The following MYT1L variants were observed in gnomAD, a reference collection of about 807,000 sequenced individuals.
MYT1L encodes the protein myelin transcription factor 1-like protein.
Under a neutral mutation model 126.7 loss-of-function variants are expected in MYT1L, and 12 were observed. That is an observed-to-expected ratio of 0.09 (90% CI 0.06 to 0.15). The LOEUF (loss-of-function observed/expected upper bound fraction) is 0.15. MYT1L is among the 10% of genes least tolerant of loss of function. MYT1L has a pLI of 1.00. For missense variants in MYT1L, 979 were observed against 1,585.2 expected (o/e 0.62, Z 6.49); for synonymous variants, 541 against 604.2 (o/e 0.90, Z 1.53).
chr2:1,947,360 A>G (rs77196025), intron 8 of MYT1L, among the ~76,000 whole-genome samples: 2,687 of 152,292 alleles, frequency 0.018, 65 homozygotes, highest in South Asian at 0.1. Context: ...TGGATGCTGC[A>G]GTTAGAAGTG....
At chr2:2,186,456 C>A (rs1364779385) in intron 2 of MYT1L, among the ~76,000 whole-genome samples, 1 of 152,232 alleles carries the variant, frequency 6.6e-6, no homozygotes, top group Non-Finnish European at 1.5e-5. Flanking sequence ...GAAATATGGA[C>A]CTCGATGAAC....
rs569008996 is a variant in MYT1L, at chr2:1,894,137, C to T, written c.2033-1850G>A. Among the ~76,000 whole-genome samples the T allele has an allele frequency of 4.5e-4, 68 of 152,372 alleles. 1 individual carries two copies. In the South Asian group the frequency reaches 6.4e-3, roughly 14 times the overall value. On this transcript the variant is annotated intron_variant, in intron 14 of 24. Transcript: ENST00000647738. Reference sequence around the variant, plus strand: ...TTGCTAATCTGAATGAGCAAAGCCACTCAGAGTGGGCCCATGGCTGGTGGG... The same window carrying T: ...TTGCTAATCTGAATGAGCAAAGCCATTCAGAGTGGGCCCATGGCTGGTGGG...
At chr2:1,853,530 T>C (rs910673550) in intron 18 of MYT1L, among the ~76,000 whole-genome samples, 5 of 152,240 alleles carry the variant, frequency 3.3e-5, no homozygotes, top group African/African-American at 1.2e-4. Context: ...TCCAAACCCA[T>C]ATGCTTACAT....
rs1423440265 is a variant in MYT1L at position 2,004,066 on chromosome 2, CGTTCTTTCCTGCATAT to C, written c.-157-6735_-157-6720del. ...TCTTTCCTGCATACTTTCCTGCAGG[CGTTCTTTCCTGCATAT>C]GTTCTTTCCTGCGTGCCTTCTTTCC... On this transcript the variant is annotated intron_variant, in intron 4 of 24. Coordinates refer to ENST00000647738, the MANE Select transcript of MYT1L (RefSeq NM_001303052.2). Among the ~76,000 whole-genome samples the C allele has an allele frequency of 2.9e-3, 441 of 150,910 alleles. 8 individuals are homozygous for C. The highest frequency in any genetic ancestry group is 0.01 in the African/African-American group (426 of 40,850).
intron 18 of MYT1L, among the ~76,000 whole-genome samples, chr2:1,880,735 C>A (rs1183827475): frequency 6.6e-6 from 1 of 152,178 alleles, no homozygotes; most frequent in East Asian, 1.9e-4. Flanking sequence ...CAGTGATCTC[C>A]AATGACTGGA....
At chr2:2,165,591 G>A (rs1231866152) in intron 3 of MYT1L, among the ~76,000 whole-genome samples, 1 of 152,084 alleles carries the variant, frequency 6.6e-6, no homozygotes, top group Non-Finnish European at 1.5e-5. Flanking sequence ...GTCCTTTATA[G>A]CTGTTTTAAT....
intron 11 of MYT1L, among the ~76,000 whole-genome samples, chr2:1,914,181 G>A (rs1221736735): frequency 1.3e-5 from 2 of 152,044 alleles, no homozygotes; most frequent in African/African-American, 2.4e-5. Context: ...TTGATCCCAC[G>A]GGGCGGAGGT....
intron 3 of MYT1L, among the ~76,000 whole-genome samples, chr2:2,083,258 T>A (rs189261390): frequency 6.6e-6 from 1 of 152,302 alleles, no homozygotes; most frequent in East Asian, 1.9e-4. Context: ...TAGATGCAAA[T>A]CCCCCACTCA....
chr2:2,124,172 C>A (rs187559128), intron 3 of MYT1L, among the ~76,000 whole-genome samples: 7 of 152,302 alleles, frequency 4.6e-5, no homozygotes, highest in Admixed American at 4.6e-4. Flanking sequence ...TCCTCAGTTT[C>A]TTTGGCCTGA....
At chr2:2,313,537 G>A (rs1200849571) in intron 1 of MYT1L, among the ~76,000 whole-genome samples, 3 of 151,632 alleles carry the variant, frequency 2.0e-5, no homozygotes, top group Non-Finnish European at 4.4e-5. Context: ...TAATGGAAAT[G>A]GTATAAGGAG....
chr2:2,045,030 G>A (rs2068008550), intron 4 of MYT1L, among the ~76,000 whole-genome samples: 1 of 152,206 alleles, frequency 6.6e-6, no homozygotes, highest in Non-Finnish European at 1.5e-5. Flanking sequence ...CCATTTCCAT[G>A]TAAATGAGGA....
At chr2:1,849,466 A>G (rs1295820903) in intron 19 of MYT1L, among the ~76,000 whole-genome samples, 1 of 152,166 alleles carries the variant, frequency 6.6e-6, no homozygotes, top group Admixed American at 6.5e-5. Flanking sequence ...AAGCCACATC[A>G]ATGTCATAAG....
chr2:2,044,297 C>A (rs1486659778), intron 4 of MYT1L, among the ~76,000 whole-genome samples: 1 of 152,194 alleles, frequency 6.6e-6, no homozygotes, highest in Non-Finnish European at 1.5e-5. Flanking sequence ...ATACACCACA[C>A]TCATCACTCT....
chr2:2,047,349 A>C (rs1262992374), intron 4 of MYT1L, among the ~76,000 whole-genome samples: 5 of 152,332 alleles, frequency 3.3e-5, no homozygotes, highest in African/African-American at 9.6e-5. Flanking sequence ...ATTAACGCTA[A>C]CATGATTTTT....
At chr2:2,046,084 A>G (rs1349453968) in intron 4 of MYT1L, among the ~76,000 whole-genome samples, 1 of 152,220 alleles carries the variant, frequency 6.6e-6, no homozygotes, top group African/African-American at 2.4e-5. Context: ...TTAAAAAGGA[A>G]TGCACATATG....
chr2:2,136,852 G>A (rs1171620348), intron 3 of MYT1L, among the ~76,000 whole-genome samples: 1 of 152,146 alleles, frequency 6.6e-6, no homozygotes, highest in East Asian at 1.9e-4. Flanking sequence ...AATTAGGCAG[G>A]AAAAGGAAAT....
intron 8 of MYT1L, among the ~76,000 whole-genome samples, chr2:1,973,863 G>A (rs976996640): frequency 7.9e-5 from 12 of 152,184 alleles, no homozygotes; most frequent in Non-Finnish European, 1.6e-4. Context: ...CCAATGCAGC[G>A]TTGCTCAAAC....
At chr2:2,296,914 A>G (rs1368466070) in intron 1 of MYT1L, among the ~76,000 whole-genome samples, 3 of 152,150 alleles carry the variant, frequency 2.0e-5, no homozygotes, top group Non-Finnish European at 4.4e-5. Flanking sequence ...GTGCACAGAA[A>G]ACAAATGATG....
intron 2 of MYT1L, among the ~76,000 whole-genome samples, chr2:2,261,107 C>G (rs1273750432): frequency 6.6e-6 from 1 of 151,880 alleles, no homozygotes; most frequent in Non-Finnish European, 1.5e-5. Context: ...CCCTACCGCC[C>G]TTCCTCCCTG....
Sources: gnomAD v4.1 joint callset for allele counts (sites outside exome capture counted in the v4.1 genomes callset) on GRCh38, gnomAD v4.1.1 for gene constraint, MANE v1.5 for transcripts, NCBI Gene and HGNC (gene_info 2026-07-23, HGNC 2026-07-21) for gene names.